The following AOAH variants were observed in gnomAD, a reference collection of about 807,000 sequenced individuals.
AOAH encodes the protein acyloxyacyl hydrolase (neutrophil).
Under a neutral mutation model 92.2 loss-of-function variants are expected in AOAH, and 64 were observed. That is an observed-to-expected ratio of 0.69 (90% CI 0.57 to 0.86). The LOEUF is 0.86. AOAH is among the 40% of genes least tolerant of loss of function. The pLI, the probability that AOAH is intolerant of heterozygous loss-of-function variation, is 0.00. For synonymous variants in AOAH, 263 were observed against 254.5 expected (o/e 1.03, Z -0.32); for missense variants, 656 against 694.6 (o/e 0.94, Z 0.62).
chr7:36,704,113 GTT>G (rs935260723), intron 1 of AOAH, among the ~76,000 whole-genome samples: 1 of 151,240 alleles, frequency 6.6e-6, no homozygotes, highest in African/African-American at 2.4e-5. Flanking sequence ...TGATGATGAG[GTT>G]TTTTTTTCAT....
At chr7:36,594,479 T>C (rs753194856) in intron 11 of AOAH, 49 bp from the exon 12 acceptor site, 2 of 1,489,860 alleles carry the variant, frequency 1.3e-6, no homozygotes, top group Non-Finnish European at 1.9e-6. Flanking sequence ...ATTTATTTTC[T>C]AAAGGTAGTA....
chr7:36,683,429 G>C (rs1796768217), intron 2 of AOAH, among the ~76,000 whole-genome samples: 1 of 152,102 alleles, frequency 6.6e-6, no homozygotes, highest in Non-Finnish European at 1.5e-5. Context: ...TATATGTAGT[G>C]GCTATATGCT....
intron 2 of AOAH, among the ~76,000 whole-genome samples, chr7:36,680,015 G>A (rs1182030573): frequency 6.6e-6 from 1 of 152,152 alleles, no homozygotes; most frequent in Non-Finnish European, 1.5e-5. Context: ...AGAACCTCCA[G>A]AGTAGGCATG....
At position 36,659,283 on chromosome 7, in the gene AOAH, A is replaced by G. The variant is rs1050904308; in HGVS notation, c.291-18T>C. The G allele has an allele frequency of 1.3e-6, 2 of 1,591,590 alleles. No individual in the cohort carries two copies. Among genetic ancestry groups the G allele is most frequent in the African/African-American group, 1.3e-5 (1 of 74,556 alleles). On this transcript the variant is annotated intron_variant, in intron 3 of 20. Coordinates refer to ENST00000617537, the MANE Select transcript of AOAH (RefSeq NM_001637.4). ...CGCTAAGCCTGGAGGGAAACGGTGCAAAACAAAGGCTATTCAGATCTCTTA... is the reference window on the plus strand; with the variant it reads ...CGCTAAGCCTGGAGGGAAACGGTGCGAAACAAAGGCTATTCAGATCTCTTA...
intron 1 of AOAH, among the ~76,000 whole-genome samples, chr7:36,722,341 T>C (rs978053195): frequency 5.9e-5 from 9 of 152,194 alleles, no homozygotes; most frequent in Non-Finnish European, 1.3e-4. Context: ...GTGTACCTCC[T>C]GTCCATTTTA....
At chr7:36,601,189 A>G (rs1055246875) in intron 11 of AOAH, among the ~76,000 whole-genome samples, 54 of 152,364 alleles carry the variant, frequency 3.5e-4, no homozygotes, top group African/African-American at 1.2e-3. Flanking sequence ...TAGGTAGCAC[A>G]GTTCTCATAA....
chr7:36,513,003 G>A lies in AOAH; in HGVS notation c.*249C>T. The A allele has an allele frequency of 6.7e-7, 1 of 1,499,996 alleles. No homozygotes were observed. The highest frequency in any genetic ancestry group is 1.4e-5 in the African/African-American group (1 of 72,494). 92.9% of individuals were successfully genotyped at this position (1,499,996 alleles called of 1,614,324 possible). ...AAGGGCACAGATACTCTCTTGTTTG[G>A]AATGGCACCCAAAGCACTTTATGAA... is the stretch of plus-strand genomic sequence containing the variant. On this transcript the variant is annotated 3_prime_UTR_variant, in exon 21 of 21. Transcript: ENST00000617537.
At chr7:36,674,228 A>G (rs2116661687) in intron 2 of AOAH, among the ~76,000 whole-genome samples, 1 of 152,354 alleles carries the variant, frequency 6.6e-6, no homozygotes, top group South Asian at 2.1e-4. Flanking sequence ...GGTTAAAGAT[A>G]ACCAATTTAT....
At chr7:36,690,705 G>C (rs1797343455) in intron 1 of AOAH, among the ~76,000 whole-genome samples, 1 of 152,150 alleles carries the variant, frequency 6.6e-6, no homozygotes, top group Admixed American at 6.5e-5. Context: ...TATGCATTTT[G>C]CTCAGTGGTC....
At chr7:36,552,415 T>G (rs1294723060) in intron 13 of AOAH, among the ~76,000 whole-genome samples, 1 of 152,186 alleles carries the variant, frequency 6.6e-6, no homozygotes, top group East Asian at 1.9e-4. Context: ...CAATGGGTAT[T>G]TGGGTTGATT....
chr7:36,562,580 G>T (rs1314180257), intron 13 of AOAH, among the ~76,000 whole-genome samples: 1 of 152,182 alleles, frequency 6.6e-6, no homozygotes, highest in African/African-American at 2.4e-5. Flanking sequence ...GATTCATCCA[G>T]TTTCTTTTAA....
intron 3 of AOAH, among the ~76,000 whole-genome samples, chr7:36,671,985 A>C (rs2116642765): frequency 6.6e-6 from 1 of 152,274 alleles, no homozygotes; most frequent in South Asian, 2.1e-4. Context: ...TTGCATTAAA[A>C]CATACTAGTC....
At chr7:36,689,416 A>C (rs1797250095) in intron 1 of AOAH, among the ~76,000 whole-genome samples, 1 of 152,178 alleles carries the variant, frequency 6.6e-6, no homozygotes, top group African/African-American at 2.4e-5. Context: ...TCAAGGCGCC[A>C]GCTGATTTGG....
chr7:36,651,693 T>C (rs1390745852), intron 4 of AOAH, among the ~76,000 whole-genome samples: 1 of 152,230 alleles, frequency 6.6e-6, no homozygotes, highest in Non-Finnish European at 1.5e-5. Flanking sequence ...GCAGTGCTGA[T>C]GTGAAGAGCT....
At chr7:36,663,267 CT>C (rs1291847353) in intron 3 of AOAH, among the ~76,000 whole-genome samples, 16 of 152,204 alleles carry the variant, frequency 1.1e-4, no homozygotes, top group African/African-American at 3.9e-4. Context: ...TTATCATTAT[CT>C]GCCACCAGTA....
chr7:36,603,656 C>A (rs2718179), intron 11 of AOAH, among the ~76,000 whole-genome samples: 58,568 of 151,966 alleles, frequency 0.39, 11,964 homozygotes, highest in African/African-American at 0.52. Context: ...TGTAAGTGAA[C>A]GGGCATCGCT....
At chr7:36,569,899 C>A (rs1008839597) in intron 13 of AOAH, among the ~76,000 whole-genome samples, 1 of 152,152 alleles carries the variant, frequency 6.6e-6, no homozygotes, top group East Asian at 1.9e-4. Flanking sequence ...AGGCGTGAAC[C>A]ACCGCGCCCA....
At chr7:36,548,393 C>T (rs1277359548) in intron 15 of AOAH, among the ~76,000 whole-genome samples, 1 of 152,072 alleles carries the variant, frequency 6.6e-6, no homozygotes, top group Non-Finnish European at 1.5e-5. Flanking sequence ...ACCATGTTGG[C>T]CAGGCTGGTC....
chr7:36,657,694 G>A (rs1022156936), intron 4 of AOAH, among the ~76,000 whole-genome samples: 7 of 152,202 alleles, frequency 4.6e-5, no homozygotes, highest in African/African-American at 1.7e-4. Flanking sequence ...GTAGAAGGTG[G>A]CGGTTCCCAC....
Sources: gnomAD v4.1 joint callset for allele counts (sites outside exome capture counted in the v4.1 genomes callset) on GRCh38, gnomAD v4.1.1 for gene constraint, MANE v1.5 for transcripts, NCBI Gene and HGNC (gene_info 2026-07-23, HGNC 2026-07-21) for gene names.